The following IARS2 variants were observed in gnomAD, a reference collection of about 807,000 sequenced individuals.
IARS2 encodes isoleucine--tRNA ligase, mitochondrial.
IARS2 carries 56 observed loss-of-function variants against 126.3 expected under a neutral mutation model. That is an observed-to-expected ratio of 0.44 (90% CI 0.36 to 0.55). The LOEUF (loss-of-function observed/expected upper bound fraction) is 0.55, where lower values mean the gene tolerates loss of function less well. Among genes scored for constraint, IARS2 ranks in the 20% least tolerant of loss-of-function variants. IARS2 has a pLI of 0.00. For synonymous variants in IARS2, 407 were observed against 441.1 expected (o/e 0.92, Z 0.97); for missense variants, 1,127 against 1,245.9 (o/e 0.90, Z 1.44).
At position 220,139,083 on chromosome 1, in the gene IARS2, G is replaced by A. The variant is rs373528069; in HGVS notation, c.2251G>A (p.Asp751Asn). 36 of 1,612,724 alleles carry A rather than the reference G, an allele frequency of 2.2e-5. No homozygotes were observed. Among genetic ancestry groups the A allele is most frequent in the African/African-American group, 6.7e-5 (5 of 74,868 alleles). The change falls in exon 18 of 23, where the codon GAT (aspartate) becomes AAT (asparagine). Residue 751 changes from aspartate to asparagine, a missense_variant. By Grantham distance (23) the Asp-to-Asn change is conservative (BLOSUM62 1). Transcript: ENST00000366922. ...AGAAACAGATTCCATCCCTGTAAAC[G>A]ATATGTATGTCATAGACCAGTACAT... ...NPETDSIPVN[D>N]MYVIDQYMLH... is the part of the protein sequence containing the mutation.
At position 220,139,095 on chromosome 1, in the gene IARS2, A is replaced by G. The variant is rs1657438349; in HGVS notation, c.2263A>G (p.Ile755Val). 2 of 1,612,892 alleles carry G rather than the reference A, an allele frequency of 1.2e-6. No homozygotes were observed. The highest frequency in any genetic ancestry group is 1.7e-5 in the Admixed American group (1 of 59,976). ...DSIPVNDMYVIDQYMLHLLQD... is the reference protein window; with the variant it reads ...DSIPVNDMYVVDQYMLHLLQD... Reference sequence around the variant, plus strand: ...CATCCCTGTAAACGATATGTATGTCATAGACCAGTACATGCTACACTTACT... The same window carrying G: ...CATCCCTGTAAACGATATGTATGTCGTAGACCAGTACATGCTACACTTACT... The change falls in exon 18 of 23, where the codon ATA (isoleucine) becomes GTA (valine). Residue 755 changes from isoleucine (I) to valine (V), a missense_variant. Coordinates refer to ENST00000366922, the MANE Select transcript of IARS2 (RefSeq NM_018060.4).
chr1:220,097,733 A>T (rs1656477013), intron 2 of IARS2, among the ~76,000 whole-genome samples: 1 of 152,168 alleles, frequency 6.6e-6, no homozygotes, highest in African/African-American at 2.4e-5. Context: ...TCTATTTCTG[A>T]ATCAGTCATT....
At chr1:220,116,299 A>G (rs989848043) in intron 12 of IARS2, among the ~76,000 whole-genome samples, 3 of 152,146 alleles carry the variant, frequency 2.0e-5, no homozygotes, top group Admixed American at 2.0e-4. Context: ...CAAGACTGAC[A>G]TGGCCCCTGT....
Position 220,147,607 on chromosome 1 carries a change from G to C in IARS2, c.3011G>C (p.Arg1004Pro). 1 of 1,614,076 alleles carries C rather than the reference G, an allele frequency of 6.2e-7. No homozygotes were observed. Among genetic ancestry groups the C allele is most frequent in the Non-Finnish European group, 8.5e-7 (1 of 1,180,002 alleles). ...TAESSDTLCP[R>P]CAEVVSGK is the part of the protein sequence containing the mutation. ...GAGTCTTCAGATACACTGTGTCCTC[G>C]ATGTGCAGAAGTTGTCAGTGGAAAA... Residue 1004 changes from arginine (R) to proline (P), a missense_variant, in exon 23 of 23, where the codon CGA becomes CCA. By Grantham distance (103) the Arg-to-Pro change is moderately radical. Coordinates refer to ENST00000366922, the MANE Select transcript of IARS2 (RefSeq NM_018060.4).
chr1:220,096,093 TTTTA>T lies in IARS2; in HGVS notation c.268-10_268-7del. Reference sequence around the variant, plus strand: ...TATGATGTTTAGATATCTTTTTTTTTTTTAAAACAGAAATGTGGATTTTCAGAAC... The same window carrying T: ...TATGATGTTTAGATATCTTTTTTTTTAAACAGAAATGTGGATTTTCAGAAC... On this transcript the variant is annotated splice_region_variant and splice_polypyrimidine_tract_variant and intron_variant, in intron 1 of 22. Coordinates refer to ENST00000366922, the MANE Select transcript of IARS2 (RefSeq NM_018060.4). 1 of 1,392,970 alleles carries T rather than the reference TTTTA, an allele frequency of 7.2e-7. No individual in the cohort carries two copies. 86.3% of individuals were successfully genotyped at this position (1,392,970 alleles called of 1,614,324 possible).
intron 1 of IARS2, among the ~76,000 whole-genome samples, chr1:220,095,568 G>A (rs1656421355): frequency 6.6e-6 from 1 of 152,096 alleles, no homozygotes; most frequent in African/African-American, 2.4e-5. Context: ...CACCAGCCCT[G>A]TAAGATGGAT....
chr1:220,140,521 A>G (rs879702348), intron 19 of IARS2, among the ~76,000 whole-genome samples: 3 of 152,012 alleles, frequency 2.0e-5, no homozygotes, highest in Admixed American at 6.6e-5. Context: ...GGAGGTTGCA[A>G]TGAGCAGAGA....
chr1:220,114,250 T>C, intron 11 of IARS2, 64 bp from the exon 12 acceptor site: 3 of 1,435,858 alleles, frequency 2.1e-6, no homozygotes, highest in East Asian at 2.3e-5. Context: ...ATTTGGAAAA[T>C]TGACTGTTCT....
intron 13 of IARS2, among the ~76,000 whole-genome samples, chr1:220,125,827 T>A (rs73098517): frequency 0.015 from 2,321 of 151,448 alleles, 53 homozygotes; most frequent in African/African-American, 0.046. Context: ...TATTATTAGG[T>A]CGGGCGCAGT....
At chr1:220,122,026 G>A (rs1323159930) in intron 12 of IARS2, among the ~76,000 whole-genome samples, 2 of 152,140 alleles carry the variant, frequency 1.3e-5, no homozygotes, top group East Asian at 3.9e-4. Context: ...GGAGTTCAAG[G>A]CTTCAAGTGA....
intron 8 of IARS2, among the ~76,000 whole-genome samples, chr1:220,104,078 ATCC>A (rs1442641772): frequency 6.6e-6 from 1 of 152,204 alleles, no homozygotes; most frequent in African/African-American, 2.4e-5. Flanking sequence ...GGCTCAAGCA[ATCC>A]TCCTGCCCTG....
intron 10 of IARS2, among the ~76,000 whole-genome samples, chr1:220,109,582 A>G (rs1656756145): frequency 6.6e-6 from 1 of 152,218 alleles, no homozygotes; most frequent in Admixed American, 6.5e-5. Flanking sequence ...ATGAGATGGC[A>G]CTTTTAGAGA....
Position 220,110,806 on chromosome 1 carries a change from G to A in IARS2, c.1348G>A (p.Ala450Thr). The A allele has an allele frequency of 6.2e-7, 1 of 1,607,562 alleles. No individual in the cohort carries two copies. Residue 450 changes from alanine to threonine, a missense_variant, in exon 11 of 23, where the codon GCA becomes ACA. Transcript: ENST00000366922. ...TDVVIKMLQT[A>T]KNLLKEEKLV... ...TAAAGTTATAAAGATGCTTCAGACT[G>A]CAAAGAATTTGTTGAAAGAGGAGAA...
rs935677542 is a variant in IARS2 at position 220,115,399 on chromosome 1, G to A, written c.1640+925G>A. On this transcript the variant is annotated intron_variant, in intron 12 of 22. Transcript: ENST00000366922. The stretch of plus-strand genomic sequence containing the variant: ...AAGATGGTGAAACTCCATCTCTACC[G>A]AAAATACAAAAATTAGCCAGGCATG... Among the ~76,000 whole-genome samples, 7 of 149,972 alleles carry A rather than the reference G, an allele frequency of 4.7e-5. No individual in the cohort carries two copies. The South Asian group carries it at 1.3e-3, about 27-fold the overall frequency.
intron 8 of IARS2, 79 bp from the exon 9 acceptor site, chr1:220,105,812 C>G (rs1656667659): frequency 8.1e-7 from 1 of 1,227,146 alleles, no homozygotes; most frequent in Admixed American, 1.7e-5. Flanking sequence ...CACATTTAAC[C>G]TGATACTCTA....
At chr1:220,097,792 C>A (rs1656478397) in intron 2 of IARS2, among the ~76,000 whole-genome samples, 1 of 152,170 alleles carries the variant, frequency 6.6e-6, no homozygotes, top group African/African-American at 2.4e-5. Flanking sequence ...ATCACGTGTT[C>A]ACTCTTGGAG....
At chr1:220,111,576 GTATATATATATATA>G (rs148565915) in intron 11 of IARS2, among the ~76,000 whole-genome samples, 1 of 139,540 alleles carries the variant, frequency 7.2e-6, no homozygotes, top group African/African-American at 2.7e-5. Context: ...TTCTATATGG[GTATATATATATATA>G]TATATATATG....
At chr1:220,103,664 G>A (rs1571845967) in intron 8 of IARS2, 102 bp downstream of exon 8, 1 of 678,164 alleles carries the variant, frequency 1.5e-6, no homozygotes, top group Non-Finnish European at 2.6e-6. Flanking sequence ...AACAGATATG[G>A]CCTCTACCTT....
intron 10 of IARS2, among the ~76,000 whole-genome samples, chr1:220,107,677 G>T (rs143853829): frequency 1.3e-5 from 2 of 152,120 alleles, no homozygotes; most frequent in Non-Finnish European, 2.9e-5. Flanking sequence ...AAAAATCACC[G>T]TAAACTTGGT....
Sources: allele counts gnomAD v4.1 joint callset (sites outside exome capture counted in the v4.1 genomes callset), GRCh38; gene constraint gnomAD v4.1.1; transcripts MANE v1.5; gene names NCBI Gene and HGNC (gene_info 2026-07-23, HGNC 2026-07-21).